The following KCNIP4 variants were observed in gnomAD, a reference collection of about 807,000 sequenced individuals.
KCNIP4 encodes the protein Kv channel-interacting protein 4.
Under a neutral mutation model 34.0 loss-of-function variants are expected in KCNIP4, and 12 were observed. The ratio of observed to expected loss-of-function variants is 0.35; its 90% CI spans 0.23 to 0.57. The LOEUF (loss-of-function observed/expected upper bound fraction) is 0.57, where lower values mean the gene tolerates loss of function less well. Among genes scored for constraint, KCNIP4 ranks in the 20% least tolerant of loss-of-function variants. The probability of loss-of-function intolerance (pLI) is 0.83; values close to 1 mark genes in which losing one functional copy is unlikely to be tolerated. For synonymous variants in KCNIP4, 124 were observed against 102.2 expected (o/e 1.21, Z -1.29); for missense variants, 238 against 311.7 (o/e 0.76, Z 1.78).
chr4:21,637,370 A>G (rs569269343), intron 1 of KCNIP4, among the ~76,000 whole-genome samples: 3 of 152,260 alleles, frequency 2.0e-5, no homozygotes, highest in South Asian at 2.1e-4. Flanking sequence ...ATAAATAGCT[A>G]CTCACATGGG....
intron 1 of KCNIP4, among the ~76,000 whole-genome samples, chr4:21,807,524 C>G (rs112002068): frequency 6.6e-6 from 1 of 152,158 alleles, no homozygotes; most frequent in Non-Finnish European, 1.5e-5. Flanking sequence ...AATCAATACA[C>G]GTTAATGGCT....
intron 1 of KCNIP4, among the ~76,000 whole-genome samples, chr4:21,378,305 C>T (rs1414149264): frequency 6.6e-6 from 1 of 152,130 alleles, no homozygotes; most frequent in African/African-American, 2.4e-5. Flanking sequence ...TTTTAATATA[C>T]TTTTTTCAAT....
rs11935763 is a variant in KCNIP4, at chr4:21,284,208, G to T, written c.62-401499C>A. Among the ~76,000 whole-genome samples, 50 of 147,252 alleles carry T rather than the reference G, an allele frequency of 3.4e-4. No homozygotes were observed. In the East Asian group the frequency reaches 9.6e-3, roughly 28 times the overall value. On this transcript the variant is annotated intron_variant, in intron 1 of 8. Transcript: ENST00000382152. ...AGCCTGGGCGACAGAGCGAGACTCC[G>T]TCTCAAAAAAAAAAAAAAGAAAAGA... is the stretch of plus-strand genomic sequence containing the variant.
intron 1 of KCNIP4, among the ~76,000 whole-genome samples, chr4:21,890,615 T>A (rs75724394): frequency 1.7e-3 from 254 of 152,110 alleles, no homozygotes; most frequent in Non-Finnish European, 2.0e-3. Flanking sequence ...GAAGACACAG[T>A]CCCTGAACTT....
intron 5 of KCNIP4, among the ~76,000 whole-genome samples, chr4:20,747,508 A>G (rs183294681): frequency 1.3e-5 from 2 of 152,304 alleles, no homozygotes; most frequent in African/African-American, 4.8e-5. Flanking sequence ...TTAGCAAAAG[A>G]AACATTGTGG....
chr4:21,693,344 T>A (rs1711894071), intron 1 of KCNIP4, among the ~76,000 whole-genome samples: 1 of 152,162 alleles, frequency 6.6e-6, no homozygotes, highest in Non-Finnish European at 1.5e-5. Context: ...GTGGATCACT[T>A]GAGGTCAGGA....
At chr4:21,277,796 A>T (rs1762529602) in intron 1 of KCNIP4, among the ~76,000 whole-genome samples, 1 of 152,216 alleles carries the variant, frequency 6.6e-6, no homozygotes, top group Non-Finnish European at 1.5e-5. Context: ...AGGCCGTCAG[A>T]TTCAAAGGGC....
intron 1 of KCNIP4, among the ~76,000 whole-genome samples, chr4:21,654,559 C>T (rs952259996): frequency 6.6e-6 from 1 of 151,902 alleles, no homozygotes; most frequent in Non-Finnish European, 1.5e-5. Context: ...AAGGGCTGTG[C>T]CATCTTGTTC....
chr4:21,113,076 A>G (rs1560734072), intron 1 of KCNIP4, among the ~76,000 whole-genome samples: 1 of 152,220 alleles, frequency 6.6e-6, no homozygotes, highest in East Asian at 1.9e-4. Flanking sequence ...ACATTTGACA[A>G]TTCCTATTCT....
At chr4:21,615,023 G>A (rs563516565) in intron 1 of KCNIP4, among the ~76,000 whole-genome samples, 1 of 152,218 alleles carries the variant, frequency 6.6e-6, no homozygotes, top group South Asian at 2.1e-4. Context: ...TCTGAGTGTG[G>A]TTGGCATCTA....
intron 3 of KCNIP4, among the ~76,000 whole-genome samples, chr4:20,819,458 G>A (rs2149443178): frequency 6.6e-6 from 1 of 152,280 alleles, no homozygotes; most frequent in African/African-American, 2.4e-5. Context: ...GGTCTGGTAG[G>A]CTAGGGGTGG....
At chr4:21,779,605 A>G (rs1220273216) in intron 1 of KCNIP4, among the ~76,000 whole-genome samples, 2 of 152,130 alleles carry the variant, frequency 1.3e-5, no homozygotes, top group African/African-American at 2.4e-5. Context: ...GAGGAAAAAT[A>G]AGAATATACA....
At chr4:21,115,983 A>C (rs903706099) in intron 1 of KCNIP4, among the ~76,000 whole-genome samples, 1 of 152,228 alleles carries the variant, frequency 6.6e-6, no homozygotes, top group African/African-American at 2.4e-5. Context: ...AACTACTGAT[A>C]ATAAACAGTG....
At position 21,710,057 on chromosome 4, in the gene KCNIP4, C is replaced by A. The variant is rs193167836; in HGVS notation, c.61+238514G>T. Among the ~76,000 whole-genome samples, 40 of 152,316 alleles carry A rather than the reference C, an allele frequency of 2.6e-4. No homozygotes were observed. The East Asian group carries it at 7.3e-3, about 28-fold the overall frequency. ...GGAAAAGGCAGCAATAGAACAGCAA[C>A]AAGACATAACTGCTGTCATTCTTCC... On this transcript the variant is annotated intron_variant, in intron 1 of 8. Transcript: ENST00000382152.
At chr4:21,818,618 G>A (rs1044609113) in intron 1 of KCNIP4, among the ~76,000 whole-genome samples, 2 of 152,176 alleles carry the variant, frequency 1.3e-5, no homozygotes, top group Admixed American at 1.3e-4. Context: ...GTGAGCACTG[G>A]CTACTATATT....
At position 20,729,412 on chromosome 4, in the gene KCNIP4, A is replaced by C. The variant is rs1290586834; in HGVS notation, c.*670T>G. The C allele has an allele frequency of 6.6e-6, 1 of 152,492 alleles. No individual in the cohort carries two copies. The highest frequency in any genetic ancestry group is 1.5e-5 in the Non-Finnish European group (1 of 68,014). The allele number at this position is 152,492 out of a possible 1,614,324, so 9.4% of individuals were successfully genotyped here. A position where few individuals can be genotyped will look rare whatever the true frequency, so the allele number is the denominator to read the frequency against. ...AGGCCTTGGCTGTAACATATTATGG[A>C]AAATTAAATGCTTATTAAAATAAGT... On this transcript the variant is annotated 3_prime_UTR_variant, in exon 9 of 9. Coordinates refer to ENST00000382152, the MANE Select transcript of KCNIP4 (RefSeq NM_025221.6).
chr4:20,958,088 A>G (rs1222542220), intron 1 of KCNIP4, among the ~76,000 whole-genome samples: 5 of 152,248 alleles, frequency 3.3e-5, no homozygotes, highest in Non-Finnish European at 7.3e-5. Context: ...ATGAATTGCT[A>G]CTACCTGGGT....
intron 3 of KCNIP4, among the ~76,000 whole-genome samples, chr4:20,770,156 C>A (rs535088545): frequency 6.6e-6 from 1 of 152,268 alleles, no homozygotes; most frequent in South Asian, 2.1e-4. Flanking sequence ...TTTTGTTTAA[C>A]AACAGTCTTT....
At chr4:21,273,333 G>T (rs183815351) in intron 1 of KCNIP4, among the ~76,000 whole-genome samples, 1 of 152,034 alleles carries the variant, frequency 6.6e-6, no homozygotes, top group Admixed American at 6.6e-5. Context: ...CAGTATGTTC[G>T]GAGGAGGCAA....
Sources: gnomAD v4.1 joint callset for allele counts (sites outside exome capture counted in the v4.1 genomes callset) on GRCh38, gnomAD v4.1.1 for gene constraint, MANE v1.5 for transcripts, NCBI Gene and HGNC (gene_info 2026-07-23, HGNC 2026-07-21) for gene names.